The following OSGIN2 variants were observed in gnomAD, a reference collection of about 807,000 sequenced individuals.
OSGIN2 encodes the protein oxidative stress-induced growth inhibitor 2.
A neutral mutation model predicts 53.8 loss-of-function variants in OSGIN2; 19 were observed. The ratio of observed to expected loss-of-function variants is 0.35; its 90% CI spans 0.25 to 0.52. The LOEUF (loss-of-function observed/expected upper bound fraction) is 0.52, where lower values mean the gene tolerates loss of function less well. Ranked by LOEUF, OSGIN2 falls within the 20% of genes least tolerant of loss-of-function variation. The pLI is 0.95. For missense variants in OSGIN2, 520 were observed against 662.7 expected (o/e 0.78, Z 2.36); for synonymous variants, 236 against 236.0 (o/e 1.00, Z 0.00).
chr8:89,925,090 T>C lies in OSGIN2; in HGVS notation c.1208T>C (p.Met403Thr). 1 of 1,613,776 alleles carries C rather than the reference T, an allele frequency of 6.2e-7. No individual in the cohort carries two copies. Among genetic ancestry groups the C allele is most frequent in the Non-Finnish European group, 8.5e-7 (1 of 1,179,598 alleles). The change falls in exon 6 of 6, where the codon ATG becomes ACG. Residue 403 changes from methionine to threonine, a missense_variant. By Grantham distance (81) the Met-to-Thr change is moderately conservative. Coordinates refer to ENST00000451899, the MANE Select transcript of OSGIN2 (RefSeq NM_001126111.3). Reference sequence around the variant, plus strand: ...CCTGAATATCATAAAGTCTATCATATGATGTGTACTCAGTCATATTCTGTA... The same window carrying C: ...CCTGAATATCATAAAGTCTATCATACGATGTGTACTCAGTCATATTCTGTA... ...LYPEYHKVYH[M>T]MCTQSYSVDS...
At chr8:89,909,772 CT>C in intron 2 of OSGIN2, 51 bp downstream of exon 2, 1 of 1,185,986 alleles carries the variant, frequency 8.4e-7, no homozygotes, top group Non-Finnish European at 1.2e-6. Flanking sequence ...ACCCTTAATA[CT>C]TTTATAAATC....
rs1024099103 is a variant in OSGIN2, at chr8:89,902,846, C to T, written c.44+9C>T. ...CTGGCCGGTCATTTCAGGTGACTTC[C>T]TCGCCGGGGATGGGAGGGGAGCAGG... On this transcript the variant is annotated intron_variant, in intron 1 of 5. Coordinates refer to ENST00000451899, the MANE Select transcript of OSGIN2 (RefSeq NM_001126111.3). The T allele has an allele frequency of 2.2e-6, 3 of 1,379,244 alleles. No individual in the cohort carries two copies. Among genetic ancestry groups the T allele is most frequent in the East Asian group, 3.0e-5 (1 of 32,994 alleles). The allele number at this position is 1,379,244 out of a possible 1,614,324, so 85.4% of individuals were successfully genotyped here.
intron 2 of OSGIN2, among the ~76,000 whole-genome samples, chr8:89,912,257 T>C (rs1186056378): frequency 1.3e-5 from 2 of 152,298 alleles, no homozygotes; most frequent in East Asian, 3.9e-4. Context: ...TCCAGTTTGG[T>C]TTTAGTTAAA....
At chr8:89,923,556 T>C (rs1809250795) in intron 5 of OSGIN2, among the ~76,000 whole-genome samples, 1 of 152,202 alleles carries the variant, frequency 6.6e-6, no homozygotes, top group Non-Finnish European at 1.5e-5. Flanking sequence ...AGTATAGAAT[T>C]CAATAAGTCA....
intron 5 of OSGIN2, among the ~76,000 whole-genome samples, chr8:89,923,967 T>C (rs1408594167): frequency 3.3e-5 from 5 of 152,218 alleles, no homozygotes; most frequent in Admixed American, 1.3e-4. Context: ...TTACTTAACC[T>C]AGATGTAAGA....
intron 2 of OSGIN2, among the ~76,000 whole-genome samples, chr8:89,911,367 G>A (rs866392933): frequency 6.6e-6 from 1 of 152,068 alleles, no homozygotes; most frequent in African/African-American, 2.4e-5. Context: ...AGTGGATCAC[G>A]CCTGTTATCC....
In OSGIN2 at chr8:89,925,852, G is replaced by T. The variant is rs1254556508; in HGVS notation, c.*320G>T. 4.0e-6 allele frequency: 1 copy of T among 252,052 alleles called. No homozygotes were observed. Among genetic ancestry groups the T allele is most frequent in the East Asian group, 8.4e-5 (1 of 11,916 alleles). The allele number at this position is 252,052 out of a possible 1,614,324, so 15.6% of individuals were successfully genotyped here. ...ATTTATTATACTTGATTCCAAAATA[G>T]TACAGCCTTGAATCTATAAAACTGT... On this transcript the variant is annotated 3_prime_UTR_variant, in exon 6 of 6. Transcript: ENST00000451899.
chr8:89,922,623 G>GT (rs1809230911), intron 5 of OSGIN2, among the ~76,000 whole-genome samples: 1 of 152,194 alleles, frequency 6.6e-6, no homozygotes. Flanking sequence ...GATTGGTGGA[G>GT]TTTGAGTTCC....
At chr8:89,904,909 C>T (rs1808803137) in intron 1 of OSGIN2, among the ~76,000 whole-genome samples, 1 of 152,216 alleles carries the variant, frequency 6.6e-6, no homozygotes, top group Admixed American at 6.5e-5. Flanking sequence ...GAACTGTCCA[C>T]TAACTTTCCA....
At chr8:89,913,990 A>C in intron 2 of OSGIN2, 87 bp from the exon 3 acceptor site, 2 of 1,083,166 alleles carry the variant, frequency 1.8e-6, no homozygotes, top group Non-Finnish European at 2.8e-6. Flanking sequence ...GTCAGAGAAA[A>C]GAGCCATCTT....
rs1178495515 is a variant in OSGIN2, at chr8:89,920,026, T to TA, written c.529-1048dup. Among the ~76,000 whole-genome samples, 9 of 152,274 alleles carry TA rather than the reference T, an allele frequency of 5.9e-5. No individual in the cohort carries two copies. In the South Asian group the frequency reaches 1.7e-3, roughly 28 times the overall value. On this transcript the variant is annotated intron_variant, in intron 4 of 5. Coordinates refer to ENST00000451899, the MANE Select transcript of OSGIN2 (RefSeq NM_001126111.3). ...AGAACTGGTGCAGTGGGAATAATGT[T>TA]AAAAAATTGTTGTCAGAAAGTGAAA...
Position 89,927,450 on chromosome 8 carries a change from A to G in OSGIN2, c.*1918A>G, listed in dbSNP as rs975344542. On this transcript the variant is annotated 3_prime_UTR_variant, in exon 6 of 6. Transcript: ENST00000451899. ...ATAACATTTGGGCATTTTCTCTGAT[A>G]TACTATACTCTCATGTTCTATAAAT... is the stretch of plus-strand genomic sequence containing the variant. 6.6e-6 allele frequency: 1 copy of G among 152,170 alleles called. No homozygotes were observed. Among genetic ancestry groups the G allele is most frequent in the Non-Finnish European group, 1.5e-5 (1 of 68,030 alleles). 9.4% of individuals were successfully genotyped at this position (152,170 alleles called of 1,614,324 possible).
rs760308271 is a variant in OSGIN2 at position 89,909,589 on chromosome 8, G to A, written c.67G>A (p.Glu23Lys). 18 of 1,567,948 alleles carry A rather than the reference G, an allele frequency of 1.1e-5. No homozygotes were observed. Among genetic ancestry groups the A allele is most frequent in the Non-Finnish European group, 1.6e-5 (18 of 1,152,232 alleles). The change falls in exon 2 of 6, where the codon GAA (glutamate) becomes AAA (lysine). Residue 23 changes from glutamate to lysine, a missense_variant. By Grantham distance (56) the Glu-to-Lys change is moderately conservative. Around this residue, in one of 3 missense-constraint regions of OSGIN2, gnomAD observed 203 missense variants for 275.3 expected, o/e 0.74. Transcript: ENST00000451899. ...AAGAAACTATAGTGACACTGAAACT[G>A]AAGGAGAGATTTTTAATTCCTTAGT... The part of the protein sequence containing the change: ...HFRNYSDTET[E>K]GEIFNSLVQY...
At chr8:89,920,648 A>T (rs1455444434) in intron 4 of OSGIN2, among the ~76,000 whole-genome samples, 2 of 152,210 alleles carry the variant, frequency 1.3e-5, no homozygotes, top group African/African-American at 2.4e-5. Context: ...TAATTAAAAG[A>T]AAGTTAATAA....
At chr8:89,915,840 T>A (rs993472750) in intron 4 of OSGIN2, among the ~76,000 whole-genome samples, 2 of 152,208 alleles carry the variant, frequency 1.3e-5, no homozygotes, top group Non-Finnish European at 2.9e-5. Context: ...ATTAAATACG[T>A]CATGGGTTTC....
At chr8:89,903,835 C>G (rs1049584137) in intron 1 of OSGIN2, among the ~76,000 whole-genome samples, 1 of 152,200 alleles carries the variant, frequency 6.6e-6, no homozygotes, top group African/African-American at 2.4e-5. Context: ...AGTAACACAT[C>G]ACTGAATTTA....
At chr8:89,908,994 G>A (rs1267071579) in intron 1 of OSGIN2, among the ~76,000 whole-genome samples, 2 of 85,634 alleles carry the variant, frequency 2.3e-5, no homozygotes, top group African/African-American at 9.7e-5. Flanking sequence ...CTGGGTGACA[G>A]AGCAAGACCT....
chr8:89,903,041 C>G (rs1808759721), intron 1 of OSGIN2, among the ~76,000 whole-genome samples: 1 of 152,172 alleles, frequency 6.6e-6, no homozygotes, highest in African/African-American at 2.4e-5. Context: ...GCGCTGTTCC[C>G]TTTTCTCGCT....
chr8:89,915,517 C>A (rs1809059777), intron 4 of OSGIN2, among the ~76,000 whole-genome samples: 1 of 152,146 alleles, frequency 6.6e-6, no homozygotes, highest in Admixed American at 6.5e-5. Flanking sequence ...ACCAGAGAAC[C>A]AGTGAATTAA....
Sources: gnomAD v4.1 joint callset for allele counts (sites outside exome capture counted in the v4.1 genomes callset) on GRCh38, gnomAD v4.1.1 for gene constraint, gnomAD v4.1.1 regional missense constraint, MANE v1.5 for transcripts, NCBI Gene and HGNC (gene_info 2026-07-23, HGNC 2026-07-21) for gene names.